The following ZC3H7B variants were observed in gnomAD, a reference collection of about 807,000 sequenced individuals.
ZC3H7B encodes the protein zinc finger CCCH domain-containing protein 7B.
In ZC3H7B, 35 loss-of-function variants were observed where a neutral mutation model predicts 116.0. That is an observed-to-expected ratio of 0.30 (90% CI 0.23 to 0.40). ZC3H7B has a LOEUF of 0.40. Among genes scored for constraint, ZC3H7B ranks in the 10% least tolerant of loss-of-function variants. The probability of loss-of-function intolerance (pLI) is 1.00; values close to 1 mark genes in which losing one functional copy is unlikely to be tolerated. For missense variants in ZC3H7B, 1,011 were observed against 1,321.5 expected, an observed-to-expected ratio of 0.77 and a Z score of 3.64; for synonymous variants, 502 against 545.6, an observed-to-expected ratio of 0.92 and a Z score of 1.11.
intron 2 of ZC3H7B, among the ~76,000 whole-genome samples, chr22:41,321,187 T>C (rs1476377660): frequency 2.0e-5 from 3 of 151,166 alleles, no homozygotes; most frequent in African/African-American, 4.9e-5. Context: ...GCTGGGAGCA[T>C]AGGTGCACAC....
At position 41,320,763 on chromosome 22, in the gene ZC3H7B, T is replaced by C. The variant is rs769777730; in HGVS notation, c.53+50T>C. 11 of 1,576,552 alleles carry C rather than the reference T, an allele frequency of 7.0e-6. No homozygotes were observed. The African/African-American group carries it at 1.4e-4, about 19-fold the overall frequency. On this transcript the variant is annotated intron_variant, in intron 2 of 22. Transcript: ENST00000352645. ...GGACGGCTGGGTGGGCAAGGGTGGG[T>C]TCTCTGAGAGCCATGCCCTCCCAGC...
chr22:41,346,247 G>T lies in ZC3H7B; in HGVS notation c.1665+39G>T. 1 of 1,596,502 alleles carries T rather than the reference G, an allele frequency of 6.3e-7. No individual in the cohort carries two copies. Among genetic ancestry groups the T allele is most frequent in the Non-Finnish European group, 8.5e-7 (1 of 1,175,480 alleles). On this transcript the variant is annotated intron_variant, in intron 14 of 22. Transcript: ENST00000352645. The surrounding 1 kb of genome is among the most constrained non-coding windows in gnomAD (Gnocchi z 5.3). ...ACCCACTGCCACCCCATAGGCCATGGCACAGACAGGGCTGGGGATGCTCCC... is the reference window on the plus strand; with the variant it reads ...ACCCACTGCCACCCCATAGGCCATGTCACAGACAGGGCTGGGGATGCTCCC...
rs1009199736 is a variant in ZC3H7B at position 41,358,271 on chromosome 22, C to A, written c.*842C>A. On this transcript the variant is annotated 3_prime_UTR_variant, in exon 23 of 23. Transcript: ENST00000352645. ...GCCCACGGTCCCCTCAGCAGGGATG[C>A]GATGGTCTCTGAATCAGTGTGCAGC... 6.6e-6 allele frequency: 1 copy of A among 151,790 alleles called. No individual in the cohort carries two copies. Among genetic ancestry groups the A allele is most frequent in the Non-Finnish European group, 1.5e-5 (1 of 67,970 alleles). 9.4% of individuals were successfully genotyped at this position (151,790 alleles called of 1,614,324 possible).
intron 7 of ZC3H7B, chr22:41,333,515 A>G (rs1387889232): frequency 1.3e-5 from 2 of 152,194 alleles, no homozygotes; most frequent in Non-Finnish European, 2.9e-5. Context: ...AGTTCCAGCT[A>G]CTTGGGAGGC....
At chr22:41,306,362 C>T (rs373061050) in intron 1 of ZC3H7B, among the ~76,000 whole-genome samples, 150 of 149,898 alleles carry the variant, frequency 1.0e-3, no homozygotes, top group African/African-American at 3.5e-3. Flanking sequence ...CCTAAATTAG[C>T]TTATTTAATT....
At chr22:41,332,095 G>T (rs1326758068) in intron 6 of ZC3H7B, 76 bp from the exon 7 acceptor site, 1 of 1,555,200 alleles carries the variant, frequency 6.4e-7, no homozygotes, top group African/African-American at 1.4e-5. Flanking sequence ...GGGCCTCTTT[G>T]CTGCCCCAGC....
chr22:41,327,594 A>G lies in ZC3H7B; in HGVS notation c.444+230A>G, dbSNP rs1377102066. On this transcript the variant is annotated intron_variant, in intron 5 of 22. Transcript: ENST00000352645. This position sits in a 1 kb window ranked among gnomAD's most constrained non-coding sequence, Gnocchi z 4.5. Reference sequence around the variant, plus strand: ...ATTAACTCACCTAATACTGGCAATAACCCTAAGAGGCAGATACTGTGATTA... The same window carrying G: ...ATTAACTCACCTAATACTGGCAATAGCCCTAAGAGGCAGATACTGTGATTA... Among the ~76,000 whole-genome samples, 1 of 152,202 alleles carries G rather than the reference A, an allele frequency of 6.6e-6. No homozygotes were observed. The highest frequency in any genetic ancestry group is 6.5e-5 in the Admixed American group (1 of 15,274).
chr22:41,350,149 G>A (rs1428415047), intron 16 of ZC3H7B, among the ~76,000 whole-genome samples: 1 of 152,142 alleles, frequency 6.6e-6, no homozygotes, highest in Non-Finnish European at 1.5e-5. Context: ...CCAGGGAAGG[G>A]CGGGGAGTGC....
chr22:41,313,361 C>G (rs540145679), intron 1 of ZC3H7B, among the ~76,000 whole-genome samples: 1 of 152,292 alleles, frequency 6.6e-6, no homozygotes, highest in South Asian at 2.1e-4. Context: ...ATCCGCCCAC[C>G]TTGGCCTCCC....
Position 41,356,959 on chromosome 22 carries a change from G to A in ZC3H7B, c.2681+151G>A, listed in dbSNP as rs147380424. ...GCAGCCATGGGGGTGGTGGGGAAGG[G>A]TGGATGGGAGGGCTGGGCTCAGACC... On this transcript the variant is annotated intron_variant, in intron 22 of 22. Coordinates refer to ENST00000352645, the MANE Select transcript of ZC3H7B (RefSeq NM_017590.6). 5 of 1,339,728 alleles carry A rather than the reference G, an allele frequency of 3.7e-6. No homozygotes were observed. The African/African-American group carries it at 7.2e-5, about 19-fold the overall frequency. The allele number at this position is 1,339,728 out of a possible 1,614,324, so 83.0% of individuals were successfully genotyped here. A position where few individuals can be genotyped will look rare whatever the true frequency, so the allele number is the denominator to read the frequency against.
chr22:41,322,146 A>C (rs1266806216), intron 2 of ZC3H7B, among the ~76,000 whole-genome samples: 1 of 143,402 alleles, frequency 7.0e-6, no homozygotes, highest in Non-Finnish European at 1.5e-5. Flanking sequence ...GCCAAAACTC[A>C]CATTCTTTCT....
rs771161584 is a variant in ZC3H7B at position 41,349,205 on chromosome 22, C to T, written c.1852C>T (p.Arg618Cys). The change falls in exon 16 of 23, where the codon CGC becomes TGC. Residue 618 changes from arginine to cysteine, a missense_variant. Coordinates refer to ENST00000352645, the MANE Select transcript of ZC3H7B (RefSeq NM_017590.6). This position sits in a 1 kb window ranked among gnomAD's most constrained non-coding sequence, Gnocchi z 4.9. ...GGAGCACTTCCAGTTCGACGTGTGC[C>T]GCCATGAGGTGCGCTACGGCTGCCT... is the stretch of plus-strand genomic sequence containing the variant. ...FQEHFQFDVCRHEVRYGCLRE... is the reference protein window; with the variant it reads ...FQEHFQFDVCCHEVRYGCLRE... 1 of 1,613,706 alleles carries T rather than the reference C, an allele frequency of 6.2e-7. No homozygotes were observed. Among genetic ancestry groups the T allele is most frequent in the Non-Finnish European group, 8.5e-7 (1 of 1,180,030 alleles).
intron 2 of ZC3H7B, among the ~76,000 whole-genome samples, chr22:41,321,292 T>G (rs1382546646): frequency 6.6e-6 from 1 of 151,056 alleles, no homozygotes; most frequent in Non-Finnish European, 1.5e-5. Flanking sequence ...CTCGGCTTAC[T>G]GCAACTTCTG....
In ZC3H7B at chr22:41,351,399, T is replaced by G. The variant is rs186951665; in HGVS notation, c.1949-162T>G. Among the ~76,000 whole-genome samples, 141 of 152,316 alleles carry G rather than the reference T, an allele frequency of 9.3e-4. 2 individuals are homozygous for G. Among genetic ancestry groups the G allele is most frequent in the East Asian group, 2.3e-3 (12 of 5,184 alleles). On this transcript the variant is annotated intron_variant, in intron 16 of 22. Coordinates refer to ENST00000352645, the MANE Select transcript of ZC3H7B (RefSeq NM_017590.6). This position sits in a 1 kb window ranked among gnomAD's most constrained non-coding sequence, Gnocchi z 5.1. ...CAGGTCTTTGTTCCCATTTTGCAGA[T>G]GGACAAAGTGGTTCCCTTGTACCCC...
At chr22:41,322,336 T>A (rs1236711692) in intron 2 of ZC3H7B, among the ~76,000 whole-genome samples, 1 of 151,172 alleles carries the variant, frequency 6.6e-6, no homozygotes, top group African/African-American at 2.4e-5. Flanking sequence ...TACAGGCGCC[T>A]GCCACCACAC....
At chr22:41,356,834 C>A in intron 22 of ZC3H7B, 26 bp downstream of exon 22, 1 of 1,612,198 alleles carries the variant, frequency 6.2e-7, no homozygotes. Context: ...CAGGGCCTGG[C>A]GGGACATGGG....
chr22:41,334,617 A>C (rs1263549346), intron 7 of ZC3H7B: 1 of 152,372 alleles, frequency 6.6e-6, no homozygotes, highest in Non-Finnish European at 1.5e-5. Context: ...CAGTTTGCCC[A>C]ACATGGTACA....
Position 41,302,498 on chromosome 22 carries a change from C to T in ZC3H7B, c.-7+726C>T, listed in dbSNP as rs939203859. On this transcript the variant is annotated intron_variant, in intron 1 of 22. Coordinates refer to ENST00000352645, the MANE Select transcript of ZC3H7B (RefSeq NM_017590.6). This position sits in a 1 kb window ranked among gnomAD's most constrained non-coding sequence, Gnocchi z 5.7. ...CCGTCCAGGGAGTGCTAGGGGGCTG[C>T]GGACCCCGGCTCTGGCGCCTGGGGA... Among the ~76,000 whole-genome samples, 2 of 152,024 alleles carry T rather than the reference C, an allele frequency of 1.3e-5. No homozygotes were observed. Among genetic ancestry groups the T allele is most frequent in the South Asian group, 2.1e-4 (1 of 4,820 alleles).
At chr22:41,339,245 C>CA in intron 9 of ZC3H7B, 54 bp downstream of exon 9, 1 of 1,539,520 alleles carries the variant, frequency 6.5e-7, no homozygotes, top group Admixed American at 1.8e-5. Context: ...CCGCTGTGTC[C>CA]CCATTGTCCC....
Sources: gnomAD v4.1 joint callset for allele counts (sites outside exome capture counted in the v4.1 genomes callset) on GRCh38, gnomAD v4.1.1 for gene constraint, Gnocchi (gnomAD v3.1) non-coding constraint, MANE v1.5 for transcripts, NCBI Gene and HGNC (gene_info 2026-07-23, HGNC 2026-07-21) for gene names.